The following ANXA10 variants were observed in gnomAD, a reference collection of about 807,000 sequenced individuals.
ANXA10 encodes annexin 14.
In ANXA10, 49 loss-of-function variants were observed where a neutral mutation model predicts 53.5. The observed-to-expected ratio is 0.92, with a 90% CI of 0.73 to 1.16. The LOEUF (loss-of-function observed/expected upper bound fraction) is 1.16, where lower values mean the gene tolerates loss of function less well. Among genes scored for constraint, ANXA10 ranks in the 50% most tolerant of loss-of-function variants. The pLI is 0.00. For synonymous variants in ANXA10, 131 were observed against 128.9 expected (o/e 1.02, Z -0.11); for missense variants, 393 against 394.4 (o/e 1.00, Z 0.03).
At chr4:168,173,806 C>T (rs1436595216) in intron 6 of ANXA10, among the ~76,000 whole-genome samples, 1 of 152,172 alleles carries the variant, frequency 6.6e-6, no homozygotes, top group African/African-American at 2.4e-5. Flanking sequence ...CCCCAGCCTT[C>T]ACCTATTTTA....
At chr4:168,133,665 T>C (rs1378850516) in intron 2 of ANXA10, among the ~76,000 whole-genome samples, 1 of 152,026 alleles carries the variant, frequency 6.6e-6, no homozygotes, top group African/African-American at 2.4e-5. Context: ...CAAACAAACA[T>C]AATGCAAATG....
chr4:168,174,666 T>C (rs1016880900), intron 6 of ANXA10, among the ~76,000 whole-genome samples: 8 of 152,210 alleles, frequency 5.3e-5, no homozygotes, highest in African/African-American at 1.7e-4. Context: ...CTGTGTCATT[T>C]TGAAGGCAGT....
chr4:168,103,583 CAGTT>C (rs1276795599), intron 1 of ANXA10, among the ~76,000 whole-genome samples: 1 of 151,850 alleles, frequency 6.6e-6, no homozygotes, highest in African/African-American at 2.4e-5. Context: ...TTCTTAAAAT[CAGTT>C]AGCATTACTC....
chr4:168,106,159 A>G (rs1730716591), intron 1 of ANXA10, among the ~76,000 whole-genome samples: 1 of 152,036 alleles, frequency 6.6e-6, no homozygotes, highest in African/African-American at 2.4e-5. Context: ...CCTTTGTTGC[A>G]ATTGTTGTTG....
At chr4:168,115,141 C>T (rs1248560196) in intron 1 of ANXA10, among the ~76,000 whole-genome samples, 3 of 152,100 alleles carry the variant, frequency 2.0e-5, no homozygotes, top group Non-Finnish European at 4.4e-5. Context: ...CCTCAGATTC[C>T]CAGAGTGCTG....
intron 2 of ANXA10, among the ~76,000 whole-genome samples, chr4:168,135,855 T>C (rs551365611): frequency 1.4e-4 from 22 of 152,312 alleles, no homozygotes; most frequent in Admixed American, 1.4e-3. Flanking sequence ...TATTAGTCAA[T>C]TCTCACACTA....
chr4:168,110,381 A>G (rs1730788591), intron 1 of ANXA10, among the ~76,000 whole-genome samples: 1 of 151,732 alleles, frequency 6.6e-6, no homozygotes, highest in Non-Finnish European at 1.5e-5. Context: ...CATAAAGAAA[A>G]CTAGTAATGA....
rs143115343 is a variant in ANXA10 at position 168,133,319 on chromosome 4, A to T, written c.100+5154A>T. 5.4e-3 allele frequency among the ~76,000 whole-genome samples: 823 copies of T among 152,278 alleles called. 6 individuals carry two copies. The highest frequency in any genetic ancestry group is 0.018 in the African/African-American group (769 of 41,576). On this transcript the variant is annotated intron_variant, in intron 2 of 11. Coordinates refer to ENST00000359299, the MANE Select transcript of ANXA10 (RefSeq NM_007193.5). Reference sequence around the variant, plus strand: ...TAATAAAATAATACATCCATAAAAAATAATAGAAAATGTATTGATCTCTGC... The same window carrying T: ...TAATAAAATAATACATCCATAAAAATTAATAGAAAATGTATTGATCTCTGC...
rs979566763 is a variant in ANXA10, at chr4:168,170,232, C to CT, written c.480+4914dup. Among the ~76,000 whole-genome samples the CT allele has an allele frequency of 1.7e-4, 26 of 151,862 alleles. No individual in the cohort carries two copies. In the East Asian group the frequency reaches 4.6e-3, roughly 27 times the overall value. ...TATGAATGAACAGGATGAACTATTA[C>CT]TTTTTTTTAAAGATAACATCAACTT... On this transcript the variant is annotated intron_variant, in intron 6 of 11. Transcript: ENST00000359299.
intron 3 of ANXA10, among the ~76,000 whole-genome samples, chr4:168,156,166 A>AT (rs1560784407): frequency 4.5e-4 from 15 of 33,476 alleles, no homozygotes; most frequent in Admixed American, 1.2e-3. Flanking sequence ...TATATATTAT[A>AT]TATATTATAT....
intron 9 of ANXA10, among the ~76,000 whole-genome samples, chr4:168,181,185 A>C (rs1279776680): frequency 6.6e-6 from 1 of 151,910 alleles, no homozygotes; most frequent in Admixed American, 6.6e-5. Flanking sequence ...AGGTCAGGAG[A>C]TCGAGACCAT....
At chr4:168,131,477 T>C (rs1211873188) in intron 2 of ANXA10, among the ~76,000 whole-genome samples, 1 of 152,076 alleles carries the variant, frequency 6.6e-6, no homozygotes, top group East Asian at 1.9e-4. Flanking sequence ...TAGATGTTAA[T>C]TAAATCCAGT....
chr4:168,133,690 A>T (rs879668991), intron 2 of ANXA10, among the ~76,000 whole-genome samples: 16 of 152,234 alleles, frequency 1.1e-4, no homozygotes, highest in African/African-American at 3.6e-4. Flanking sequence ...TTCAGTTGAC[A>T]AAAAATATTG....
At chr4:168,155,753 T>TGA (rs1491264897) in intron 3 of ANXA10, among the ~76,000 whole-genome samples, 1 of 54,502 alleles carries the variant, frequency 1.8e-5, no homozygotes, top group African/African-American at 7.7e-5. Flanking sequence ...ATATTATATA[T>TGA]TATATAATAT....
chr4:168,150,197 G>A (rs1228130178), intron 3 of ANXA10, among the ~76,000 whole-genome samples: 2 of 152,068 alleles, frequency 1.3e-5, no homozygotes, highest in Non-Finnish European at 2.9e-5. Flanking sequence ...CTTTTTATCA[G>A]GTATTTGAAA....
intron 1 of ANXA10, among the ~76,000 whole-genome samples, chr4:168,105,009 T>G (rs1018325685): frequency 6.6e-6 from 1 of 151,956 alleles, no homozygotes; most frequent in Non-Finnish European, 1.5e-5. Flanking sequence ...GTGGCAGACT[T>G]GTGTGATAAA....
chr4:168,092,729 T>A lies in ANXA10; in HGVS notation c.18+11T>A, dbSNP rs781774077. ...TTTTGTGGAGACTATGTGAGTATAA[T>A]GCTTATTTCTGTAAAGCTTTTCACT... On this transcript the variant is annotated intron_variant, in intron 1 of 11. Transcript: ENST00000359299. 10 of 1,561,810 alleles carry A rather than the reference T, an allele frequency of 6.4e-6. No homozygotes were observed. Among genetic ancestry groups the A allele is most frequent in the Non-Finnish European group, 6.9e-6 (8 of 1,156,452 alleles).
intron 10 of ANXA10, among the ~76,000 whole-genome samples, chr4:168,182,658 A>C (rs1404142976): frequency 6.6e-6 from 1 of 150,638 alleles, no homozygotes; most frequent in African/African-American, 2.4e-5. Flanking sequence ...TTTAAAAAAC[A>C]AACACTTAAG....
intron 7 of ANXA10, 47 bp downstream of exon 7, chr4:168,177,840 A>C (rs1183334678): frequency 3.1e-6 from 5 of 1,613,932 alleles, no homozygotes; most frequent in Non-Finnish European, 3.4e-6. Context: ...CCTGGGTTAA[A>C]ATGGGCTGGA....
Sources: gnomAD v4.1 joint callset for allele counts (sites outside exome capture counted in the v4.1 genomes callset) on GRCh38, gnomAD v4.1.1 for gene constraint, MANE v1.5 for transcripts, NCBI Gene and HGNC (gene_info 2026-07-23, HGNC 2026-07-21) for gene names.